Variants in NAALADL2 observed in about 807,000 individuals in gnomAD.
The protein encoded by NAALADL2 is inactive N-acetylated-alpha-linked acidic dipeptidase-like protein 2.
In NAALADL2, 76 loss-of-function variants were observed where a neutral mutation model predicts 87.2. The observed-to-expected ratio is 0.87, with a 90% CI of 0.72 to 1.05. NAALADL2 has a LOEUF of 1.05. NAALADL2 is among the 50% of genes least tolerant of loss of function. The pLI, the probability that NAALADL2 is intolerant of heterozygous loss-of-function variation, is 0.00. For missense variants in NAALADL2, 1,089 were observed against 945.8 expected (o/e 1.15, Z -1.99); for synonymous variants, 354 against 331.0 (o/e 1.07, Z -0.75).
intron 3 of NAALADL2, among the ~76,000 whole-genome samples, chr3:174,835,771 A>T (rs886454454): frequency 1.1e-4 from 16 of 152,314 alleles, no homozygotes; most frequent in African/African-American, 3.8e-4. Flanking sequence ...ATCCCTAATA[A>T]TTAGGGAAAT....
chr3:175,437,891 A>G (rs1272983509), intron 5 of NAALADL2, among the ~76,000 whole-genome samples: 1 of 150,890 alleles, frequency 6.6e-6, no homozygotes, highest in African/African-American at 2.5e-5. Context: ...AAATATAAAT[A>G]TAACTGTTGT....
At chr3:174,997,595 C>T (rs909692395) in intron 1 of NAALADL2, among the ~76,000 whole-genome samples, 4 of 151,962 alleles carry the variant, frequency 2.6e-5, no homozygotes, top group Admixed American at 6.6e-5. Context: ...GAGGCCAAGG[C>T]GGGTGGATCA....
intron 9 of NAALADL2, among the ~76,000 whole-genome samples, chr3:175,567,768 T>G (rs9838337): frequency 6.7e-6 from 1 of 149,976 alleles, no homozygotes; most frequent in East Asian, 2.0e-4. Context: ...CAGGCTGGAG[T>G]GCAGTGGCAC....
At chr3:175,279,623 CT>C (rs540021979) in intron 4 of NAALADL2, among the ~76,000 whole-genome samples, 1 of 151,898 alleles carries the variant, frequency 6.6e-6, no homozygotes, top group East Asian at 1.9e-4. Context: ...ACCATCTGGG[CT>C]TTTTTTATGG....
rs562231067 is a variant in NAALADL2, at chr3:175,767,161, C to T, written c.2189+11743C>T. 2.6e-5 allele frequency among the ~76,000 whole-genome samples: 4 copies of T among 152,152 alleles called. 1 individual carries two copies. In the South Asian group the frequency reaches 8.3e-4, roughly 32 times the overall value. ...CCAGCCACTACACTTGAGTGTGCTG[C>T]TTAACCAGTCTGCTTGCTAAAAACA... On this transcript the variant is annotated intron_variant, in intron 13 of 13. Coordinates refer to ENST00000454872, the MANE Select transcript of NAALADL2 (RefSeq NM_207015.3).
intron 1 of NAALADL2, among the ~76,000 whole-genome samples, chr3:174,895,238 A>G (rs1435632679): frequency 6.6e-6 from 1 of 152,106 alleles, no homozygotes; most frequent in Non-Finnish European, 1.5e-5. Flanking sequence ...CAATGAAACA[A>G]AGAGTTGGTT....
chr3:175,215,376 C>G (rs909164265), intron 2 of NAALADL2, among the ~76,000 whole-genome samples: 2 of 152,140 alleles, frequency 1.3e-5, no homozygotes, highest in Admixed American at 6.6e-5. Context: ...TCTCCTCCCA[C>G]GATAGCATTT....
intron 3 of NAALADL2, among the ~76,000 whole-genome samples, chr3:174,853,566 G>T (rs1579212298): frequency 6.6e-6 from 1 of 151,950 alleles, no homozygotes; most frequent in East Asian, 1.9e-4. Flanking sequence ...CTTCTGCAGA[G>T]TGAAGGAAAC....
chr3:175,281,183 T>C (rs980411487), intron 4 of NAALADL2, among the ~76,000 whole-genome samples: 7 of 151,490 alleles, frequency 4.6e-5, no homozygotes, highest in Admixed American at 2.0e-4. Flanking sequence ...TACATTTAGT[T>C]ATTTTTTAGA....
intron 2 of NAALADL2, among the ~76,000 whole-genome samples, chr3:174,647,624 A>C (rs992251554): frequency 6.6e-6 from 1 of 152,216 alleles, no homozygotes; most frequent in African/African-American, 2.4e-5. Context: ...TGCCATGGCC[A>C]ATTTACACTG....
chr3:174,786,052 G>C (rs978468314), intron 3 of NAALADL2, among the ~76,000 whole-genome samples: 10 of 152,074 alleles, frequency 6.6e-5, no homozygotes, highest in Admixed American at 1.3e-4. Context: ...TTAGTTAACT[G>C]GTACCAAAAG....
intron 13 of NAALADL2, among the ~76,000 whole-genome samples, chr3:175,787,911 CTTTA>C (rs1425187526): frequency 2.6e-5 from 4 of 151,912 alleles, no homozygotes; most frequent in African/African-American, 9.7e-5. Flanking sequence ...AGAAATAAAA[CTTTA>C]TTTTATAAAT....
At chr3:175,148,572 G>T (rs974242216) in intron 2 of NAALADL2, among the ~76,000 whole-genome samples, 12 of 152,012 alleles carry the variant, frequency 7.9e-5, no homozygotes, top group African/African-American at 2.2e-4. Flanking sequence ...TTATAGTTTG[G>T]GGTTTTACAT....
intron 1 of NAALADL2, among the ~76,000 whole-genome samples, chr3:175,048,736 G>A (rs1271799516): frequency 6.6e-6 from 1 of 151,968 alleles, no homozygotes; most frequent in African/African-American, 2.4e-5. Context: ...GATACTCTTA[G>A]GTTTCAGAGC....
chr3:174,971,028 G>A (rs539170718), intron 1 of NAALADL2, among the ~76,000 whole-genome samples: 12 of 152,256 alleles, frequency 7.9e-5, no homozygotes, highest in African/African-American at 2.6e-4. Flanking sequence ...GAGGTGAAAG[G>A]CATTTCTTAC....
chr3:175,347,524 AG>A (rs1251538561), intron 5 of NAALADL2, among the ~76,000 whole-genome samples: 4 of 152,180 alleles, frequency 2.6e-5, no homozygotes, highest in Non-Finnish European at 5.9e-5. Flanking sequence ...AAGGTGGGAA[AG>A]GAAAGAAAGC....
At chr3:175,389,018 A>G (rs1768761009) in intron 5 of NAALADL2, among the ~76,000 whole-genome samples, 1 of 152,124 alleles carries the variant, frequency 6.6e-6, no homozygotes. Context: ...CATTCTGTTC[A>G]TTAAGATAAT....
At chr3:174,882,532 TA>T (rs1729366673) in intron 1 of NAALADL2, among the ~76,000 whole-genome samples, 1 of 150,958 alleles carries the variant, frequency 6.6e-6, no homozygotes, top group Admixed American at 6.6e-5. Context: ...TATACACATA[TA>T]TGCATACACA....
intron 1 of NAALADL2, among the ~76,000 whole-genome samples, chr3:174,505,487 A>G (rs960149667): frequency 2.9e-4 from 44 of 152,348 alleles, no homozygotes; most frequent in African/African-American, 1.0e-3. Context: ...CAAATAAGCC[A>G]CAAACCACAG....
Sources: gnomAD v4.1 joint callset for allele counts (sites outside exome capture counted in the v4.1 genomes callset) on GRCh38, gnomAD v4.1.1 for gene constraint, MANE v1.5 for transcripts, NCBI Gene and HGNC (gene_info 2026-07-23, HGNC 2026-07-21) for gene names.